Variants in DNAH6 observed in about 807,000 individuals in gnomAD.
The protein encoded by DNAH6 is axonemal beta dynein heavy chain 6.
In DNAH6, 340 loss-of-function variants were observed where a neutral mutation model predicts 491.4. The ratio of observed to expected loss-of-function variants is 0.69; its 90% CI spans 0.63 to 0.76. The LOEUF is 0.76. Ranked by LOEUF, DNAH6 falls within the 30% of genes least tolerant of loss-of-function variation. DNAH6 has a pLI of 0.00. For synonymous variants in DNAH6, 1,603 were observed against 1,686.1 expected (o/e 0.95, Z 1.21); for missense variants, 4,443 against 4,972.2 (o/e 0.89, Z 3.20).
At chr2:84,689,825 T>C (rs200976564) in intron 45 of DNAH6, among the ~76,000 whole-genome samples, 1 of 152,114 alleles carries the variant, frequency 6.6e-6, no homozygotes, top group Non-Finnish European at 1.5e-5. Context: ...GAGTGGCAGG[T>C]GGGGATCACA....
Position 84,706,985 on chromosome 2 carries a change from A to G in DNAH6, c.8817A>G (p.Glu2939=). ...ATCAAATACAGGCCTTACAAGATGA[A>G]TATGACAAAGGTGTAAATGAAAAAG... is the stretch of plus-strand genomic sequence containing the variant. ...VEDQIQALQD[E]YDKGVNEKES... The change falls in exon 53 of 77, where the codon GAA becomes GAG. Residue 2939 remains glutamate (E), a synonymous_variant. Coordinates refer to ENST00000389394, the MANE Select transcript of DNAH6 (RefSeq NM_001370.2). 1.3e-6 allele frequency: 2 copies of G among 1,535,632 alleles called. No individual in the cohort carries two copies. The highest frequency in any genetic ancestry group is 1.3e-5 in the South Asian group (1 of 79,350).
intron 72 of DNAH6, among the ~76,000 whole-genome samples, chr2:84,809,477 C>T (rs1432094693): frequency 6.6e-6 from 1 of 152,138 alleles, no homozygotes; most frequent in Admixed American, 6.5e-5. Flanking sequence ...GGCATCTAGT[C>T]AGGTATGCAC....
At chr2:84,715,482 G>T in intron 57 of DNAH6, 78 bp from the exon 58 acceptor site, 1 of 1,361,168 alleles carries the variant, frequency 7.3e-7, no homozygotes, top group South Asian at 1.3e-5. Context: ...GGGTAGTAAT[G>T]AGCTGTGTTC....
intron 41 of DNAH6, among the ~76,000 whole-genome samples, chr2:84,679,092 A>G (rs1343657547): frequency 6.6e-6 from 1 of 152,200 alleles, no homozygotes; most frequent in African/African-American, 2.4e-5. Flanking sequence ...CAAAATCAAT[A>G]AAGTAAATTT....
chr2:84,600,491 C>G (rs573064817), intron 18 of DNAH6, among the ~76,000 whole-genome samples: 1 of 152,166 alleles, frequency 6.6e-6, no homozygotes, highest in East Asian at 1.9e-4. Flanking sequence ...ATTGTCATGT[C>G]TTCTTAGGCT....
chr2:84,752,651 T>C (rs954486075), intron 63 of DNAH6, among the ~76,000 whole-genome samples: 5 of 152,212 alleles, frequency 3.3e-5, no homozygotes, highest in African/African-American at 1.2e-4. Flanking sequence ...CTTCTGTCTC[T>C]ACAGATTTGC....
chr2:84,706,825 A>G lies in DNAH6; in HGVS notation c.8728-71A>G, dbSNP rs1696501329. 3.4e-6 allele frequency: 5 copies of G among 1,475,740 alleles called. No homozygotes were observed. In the South Asian group the frequency reaches 4.3e-5, roughly 13 times the overall value. 91.4% of individuals were successfully genotyped at this position (1,475,740 alleles called of 1,614,324 possible). ...GGAACATATATAAAATTTTTTTTAGATCTGTATTATTAATGGGCAAATTCA... is the reference window on the plus strand; with the variant it reads ...GGAACATATATAAAATTTTTTTTAGGTCTGTATTATTAATGGGCAAATTCA... On this transcript the variant is annotated intron_variant, in intron 52 of 76. Transcript: ENST00000389394.
chr2:84,759,409 T>C (rs1230630243), intron 63 of DNAH6, among the ~76,000 whole-genome samples: 1 of 152,132 alleles, frequency 6.6e-6, no homozygotes, highest in East Asian at 1.9e-4. Flanking sequence ...CTTGGGAGGC[T>C]GAAGCTGGAG....
intron 15 of DNAH6, among the ~76,000 whole-genome samples, chr2:84,588,215 C>A (rs1353919513): frequency 1.3e-5 from 2 of 152,212 alleles, no homozygotes; most frequent in Non-Finnish European, 2.9e-5. Flanking sequence ...AATGCATGGC[C>A]ATGCTGACTA....
intron 21 of DNAH6, 95 bp downstream of exon 21, chr2:84,607,190 T>C (rs1276509438): frequency 8.1e-7 from 1 of 1,235,956 alleles, no homozygotes; most frequent in East Asian, 2.6e-5. Flanking sequence ...TATTATATGG[T>C]TTTAAAATGT....
chr2:84,661,426 A>G (rs1233308860), intron 37 of DNAH6, among the ~76,000 whole-genome samples: 1 of 152,172 alleles, frequency 6.6e-6, no homozygotes, highest in South Asian at 2.1e-4. Flanking sequence ...ATGACTGAAT[A>G]TGTAGAAATA....
chr2:84,705,248 G>A (rs1010087607), intron 51 of DNAH6, among the ~76,000 whole-genome samples: 3 of 152,160 alleles, frequency 2.0e-5, no homozygotes, highest in Non-Finnish European at 2.9e-5. Flanking sequence ...TTCTAAAACT[G>A]TGATTTTGTA....
Position 84,595,686 on chromosome 2 carries a change from A to C in DNAH6, c.2765A>C (p.Gln922Pro). The change falls in exon 18 of 77, where the codon CAA becomes CCA. Residue 922 changes from glutamine to proline, a missense_variant. Around this residue, in one of 3 missense-constraint regions of DNAH6, gnomAD observed 2,977 missense variants for 3,296.6 expected, o/e 0.90. Transcript: ENST00000389394. The part of the protein sequence containing the change: ...DCLDPEVLNG[Q>P]VSKYAKFVTQ... ...CTGGATCCAGAAGTCCTAAACGGTC[A>C]AGTTTCTAAATATGCTAAATTTGTG... 1 of 1,551,030 alleles carries C rather than the reference A, an allele frequency of 6.4e-7. No homozygotes were observed. The highest frequency in any genetic ancestry group is 8.7e-7 in the Non-Finnish European group (1 of 1,146,666).
At chr2:84,636,407 A>G (rs1688881445) in intron 30 of DNAH6, among the ~76,000 whole-genome samples, 1 of 152,032 alleles carries the variant, frequency 6.6e-6, no homozygotes, top group African/African-American at 2.4e-5. Flanking sequence ...TACTACCCCC[A>G]TGGGCTTTGC....
At chr2:84,582,401 T>A (rs539475287) in intron 14 of DNAH6, among the ~76,000 whole-genome samples, 1 of 152,212 alleles carries the variant, frequency 6.6e-6, no homozygotes, top group Non-Finnish European at 1.5e-5. Flanking sequence ...TATGACTTGC[T>A]AGACCTTCTG....
intron 4 of DNAH6, among the ~76,000 whole-genome samples, chr2:84,531,946 G>A (rs1001545164): frequency 3.3e-5 from 5 of 152,066 alleles, no homozygotes; most frequent in Non-Finnish European, 5.9e-5. Context: ...CTGATGGAAA[G>A]TGGGTTATTT....
At chr2:84,761,127 C>G (rs1211150638) in intron 63 of DNAH6, among the ~76,000 whole-genome samples, 2 of 152,108 alleles carry the variant, frequency 1.3e-5, no homozygotes, top group East Asian at 3.8e-4. Flanking sequence ...CAGTTGAATA[C>G]TATATTCGAC....
chr2:84,715,296 G>A (rs539311014), intron 57 of DNAH6, among the ~76,000 whole-genome samples: 11 of 152,048 alleles, frequency 7.2e-5, no homozygotes, highest in African/African-American at 2.2e-4. Context: ...TTAATCGTTC[G>A]CTGGCTCACC....
chr2:84,595,687 A>C lies in DNAH6; in HGVS notation c.2766A>C (p.Gln922His), dbSNP rs1684509925. The change falls in exon 18 of 77, where the codon CAA becomes CAC. Residue 922 changes from glutamine to histidine, a missense_variant. By Grantham distance (24) the Gln-to-His change is conservative (BLOSUM62 0). Around this residue, in one of 3 missense-constraint regions of DNAH6, gnomAD observed 2,977 missense variants for 3,296.6 expected, o/e 0.90. Coordinates refer to ENST00000389394, the MANE Select transcript of DNAH6 (RefSeq NM_001370.2). ...TGGATCCAGAAGTCCTAAACGGTCAAGTTTCTAAATATGCTAAATTTGTGA... is the reference window on the plus strand; with the variant it reads ...TGGATCCAGAAGTCCTAAACGGTCACGTTTCTAAATATGCTAAATTTGTGA... ...DCLDPEVLNG[Q>H]VSKYAKFVTQ... is the part of the protein sequence containing the mutation. 3 of 1,550,932 alleles carry C rather than the reference A, an allele frequency of 1.9e-6. No homozygotes were observed. Among genetic ancestry groups the C allele is most frequent in the Non-Finnish European group, 2.6e-6 (3 of 1,146,684 alleles).
Sources: gnomAD v4.1 joint callset for allele counts (sites outside exome capture counted in the v4.1 genomes callset) on GRCh38, gnomAD v4.1.1 for gene constraint, gnomAD v4.1.1 regional missense constraint, MANE v1.5 for transcripts, NCBI Gene and HGNC (gene_info 2026-07-23, HGNC 2026-07-21) for gene names.